Variants in OTOGL observed in about 807,000 individuals in gnomAD.
OTOGL encodes otogelin-like protein.
A neutral mutation model predicts 318.5 loss-of-function variants in OTOGL; 285 were observed. The ratio of observed to expected loss-of-function variants is 0.89; its 90% CI spans 0.81 to 0.99. OTOGL has a LOEUF of 0.99. Ranked by LOEUF, OTOGL falls within the 50% of genes least tolerant of loss-of-function variation. The pLI is 0.00. For synonymous variants in OTOGL, 987 were observed against 936.5 expected (o/e 1.05, Z -0.99); for missense variants, 2,899 against 2,845.6 (o/e 1.02, Z -0.43).
At chr12:80,271,849 G>T (rs1347622271) in intron 24 of OTOGL, 39 bp downstream of exon 24, 1 of 1,563,682 alleles carries the variant, frequency 6.4e-7, no homozygotes, top group Non-Finnish European at 8.7e-7. Context: ...TTCAGGATTT[G>T]CCTGAAAGCA....
intron 9 of OTOGL, among the ~76,000 whole-genome samples, chr12:80,238,167 A>G (rs1880033126): frequency 1.3e-5 from 2 of 152,232 alleles, no homozygotes; most frequent in South Asian, 2.1e-4. Flanking sequence ...GTTGTTGCCC[A>G]CACATTAACT....
At position 80,126,748 on chromosome 12, in the gene OTOGL, G is replaced by A. The variant is rs542169313; in HGVS notation, c.-20+27143G>A. On this transcript the variant is annotated intron_variant, in intron 1 of 58. Coordinates refer to ENST00000547103, the MANE Select transcript of OTOGL (RefSeq NM_001378609.3). ...CTTGTATTGGGTGCATATATATTTA[G>A]GATAGTTAGCTCTTCTTGTTGAATT... Among the ~76,000 whole-genome samples, 462 of 152,248 alleles carry A rather than the reference G, an allele frequency of 3.0e-3. 4 individuals are homozygous for A. The highest frequency in any genetic ancestry group is 0.01 in the African/African-American group (424 of 41,532).
At chr12:80,219,161 G>C (rs1014656812) in intron 5 of OTOGL, among the ~76,000 whole-genome samples, 2 of 152,032 alleles carry the variant, frequency 1.3e-5, no homozygotes, top group East Asian at 1.9e-4. Flanking sequence ...ACCCAGCCTG[G>C]AGTGCAATGG....
chr12:80,127,875 T>C (rs1425456919), intron 1 of OTOGL, among the ~76,000 whole-genome samples: 1 of 152,230 alleles, frequency 6.6e-6, no homozygotes, highest in African/African-American at 2.4e-5. Context: ...TCTCGTGCCA[T>C]GGTTTTTAGC....
chr12:80,329,288 A>G (rs755415050), intron 37 of OTOGL, among the ~76,000 whole-genome samples, 169 bp downstream of exon 37: 31 of 152,166 alleles, frequency 2.0e-4, no homozygotes, highest in Non-Finnish European at 5.9e-5. Flanking sequence ...TCAACATGCC[A>G]TGTTTTCTAG....
intron 44 of OTOGL, among the ~76,000 whole-genome samples, chr12:80,348,425 A>G (rs2167312): frequency 0.99 from 150,666 of 152,256 alleles, 74,580 homozygotes; most frequent in Middle Eastern, 1. Context: ...AAGATCAGAT[A>G]GTTGTGATTG....
chr12:80,306,034 T>C (rs1303187093), intron 29 of OTOGL, among the ~76,000 whole-genome samples: 2 of 152,164 alleles, frequency 1.3e-5, no homozygotes, highest in Non-Finnish European at 2.9e-5. Context: ...TCAATGTATC[T>C]GCATTTCGAA....
chr12:80,198,622 C>A (rs1285682211), intron 1 of OTOGL, among the ~76,000 whole-genome samples: 1 of 152,068 alleles, frequency 6.6e-6, no homozygotes, highest in Non-Finnish European at 1.5e-5. Context: ...CTGTATCCTT[C>A]TAAATAAATA....
Position 80,199,049 on chromosome 12 carries a change from T to A in OTOGL, c.-19-10364T>A, listed in dbSNP as rs969591648. ...TGTGTACATATATGCATGCACACAA[T>A]CCTGTTTATATTACTCCTTTGCTTC... is the stretch of plus-strand genomic sequence containing the variant. On this transcript the variant is annotated intron_variant, in intron 1 of 58. Coordinates refer to ENST00000547103, the MANE Select transcript of OTOGL (RefSeq NM_001378609.3). Among the ~76,000 whole-genome samples the A allele has an allele frequency of 6.6e-5, 10 of 152,208 alleles. No individual in the cohort carries two copies. The East Asian group carries it at 1.5e-3, about 23-fold the overall frequency.
Position 80,219,798 on chromosome 12 carries a change from T to C in OTOGL, c.236-16T>C, listed in dbSNP as rs769281647. On this transcript the variant is annotated splice_polypyrimidine_tract_variant and intron_variant, in intron 5 of 58. Transcript: ENST00000547103. ...TGGATGCCAGAAGATAACTTTTTTTTTTTTTTCCCCCTCAGGTTCTTGTCC... is the reference window on the plus strand; with the variant it reads ...TGGATGCCAGAAGATAACTTTTTTTCTTTTTTCCCCCTCAGGTTCTTGTCC... 6.6e-7 allele frequency: 1 copy of C among 1,507,004 alleles called. No homozygotes were observed. The highest frequency in any genetic ancestry group is 1.4e-5 in the African/African-American group (1 of 71,892). 93.4% of individuals were successfully genotyped at this position (1,507,004 alleles called of 1,614,324 possible).
At chr12:80,324,537 C>T (rs1184833159) in intron 35 of OTOGL, among the ~76,000 whole-genome samples, 1 of 152,084 alleles carries the variant, frequency 6.6e-6, no homozygotes, top group African/African-American at 2.4e-5. Context: ...GATAGGAGAC[C>T]TGGCTGCATT....
intron 1 of OTOGL, among the ~76,000 whole-genome samples, chr12:80,155,773 A>G (rs1270656294): frequency 6.6e-6 from 1 of 151,840 alleles, no homozygotes; most frequent in Non-Finnish European, 1.5e-5. Context: ...CTCTCCACTC[A>G]TTTTCTCAGC....
At chr12:80,208,339 C>A in intron 1 of OTOGL, 1 of 420,972 alleles carries the variant, frequency 2.4e-6, no homozygotes, top group Non-Finnish European at 4.7e-6. Context: ...ATAGAAAAGA[C>A]TCAGAAGTCA....
chr12:80,111,231 T>G (rs1434049604), intron 1 of OTOGL, among the ~76,000 whole-genome samples: 1 of 152,224 alleles, frequency 6.6e-6, no homozygotes, highest in Admixed American at 6.5e-5. Flanking sequence ...TAGTTTCTTT[T>G]GCAGAAGCTC....
intron 57 of OTOGL, among the ~76,000 whole-genome samples, chr12:80,374,113 A>C (rs891194848): frequency 2.6e-5 from 4 of 152,158 alleles, no homozygotes; most frequent in African/African-American, 9.7e-5. Context: ...ATTTATGGAG[A>C]TTAGGACTCC....
chr12:80,270,446 T>C (rs1883325286), intron 23 of OTOGL, among the ~76,000 whole-genome samples: 1 of 152,112 alleles, frequency 6.6e-6, no homozygotes, highest in Admixed American at 6.6e-5. Flanking sequence ...CCCAAGGACT[T>C]TAGGGATATG....
chr12:80,373,835 G>A lies in OTOGL; in HGVS notation c.6781+1771G>A, dbSNP rs370819795. ...GAATCTACTGCGGGTCTCATTTCCC[G>A]TCCTGCTTCTTAACTCTTCATGGTA... On this transcript the variant is annotated intron_variant, in intron 57 of 58. Transcript: ENST00000547103. 7.9e-5 allele frequency among the ~76,000 whole-genome samples: 12 copies of A among 151,970 alleles called. No homozygotes were observed. The East Asian group carries it at 1.3e-3, about 17-fold the overall frequency.
chr12:80,233,561 TAATC>T (rs1218006190), intron 9 of OTOGL, among the ~76,000 whole-genome samples: 2 of 152,164 alleles, frequency 1.3e-5, no homozygotes, highest in Admixed American at 1.3e-4. Flanking sequence ...TTTGCAAAAA[TAATC>T]AACTGTGAGC....
intron 26 of OTOGL, among the ~76,000 whole-genome samples, chr12:80,283,125 T>C (rs1008542814): frequency 8.6e-5 from 13 of 152,004 alleles, no homozygotes; most frequent in Admixed American, 6.6e-5. Flanking sequence ...GAGTTCCAAA[T>C]TGATGTGTAG....
Sources: allele counts gnomAD v4.1 joint callset (sites outside exome capture counted in the v4.1 genomes callset), GRCh38; gene constraint gnomAD v4.1.1; transcripts MANE v1.5; gene names NCBI Gene and HGNC (gene_info 2026-07-23, HGNC 2026-07-21).